Variants in NFIB observed in about 807,000 individuals in gnomAD.
NFIB encodes nuclear factor 1 B-type.
NFIB carries 11 observed loss-of-function variants against 61.5 expected under a neutral mutation model. The observed-to-expected ratio is 0.18, with a 90% CI of 0.11 to 0.30. NFIB has a LOEUF of 0.30. Among genes scored for constraint, NFIB ranks in the 10% least tolerant of loss-of-function variants. The pLI, the probability that NFIB is intolerant of heterozygous loss-of-function variation, is 1.00. For synonymous variants in NFIB, 260 were observed against 216.5 expected, an observed-to-expected ratio of 1.20 and a Z score of -1.76; for missense variants, 471 against 608.9, an observed-to-expected ratio of 0.77 and a Z score of 2.38.
rs540131399 is a variant in NFIB at position 14,293,413 on chromosome 9, G to A, written c.562+13576C>T. Among the ~76,000 whole-genome samples, 63 of 152,280 alleles carry A rather than the reference G, an allele frequency of 4.1e-4. 1 individual carries two copies. The highest frequency in any genetic ancestry group is 1.4e-3 in the African/African-American group (60 of 41,546). ...TCATCCTTCATGAAATATTTTCTCTGTAACTGGAACACCCAAGGTTGAATT... is the reference window on the plus strand; with the variant it reads ...TCATCCTTCATGAAATATTTTCTCTATAACTGGAACACCCAAGGTTGAATT... On this transcript the variant is annotated intron_variant, in intron 2 of 10. Coordinates refer to ENST00000380953, the MANE Select transcript of NFIB (RefSeq NM_001190737.2).
At chr9:14,192,026 C>A (rs1003889599) in intron 2 of NFIB, among the ~76,000 whole-genome samples, 3 of 152,152 alleles carry the variant, frequency 2.0e-5, no homozygotes, top group Admixed American at 2.0e-4. Flanking sequence ...TTTTCCTTGT[C>A]CACTCTTGGT....
chr9:14,480,154 G>T, the NFIB span, among the ~76,000 whole-genome samples: 15 of 151,858 alleles, frequency 9.9e-5, no homozygotes, highest in Non-Finnish European at 1.8e-4. Flanking sequence ...TTCAGATATG[G>T]GGTCTTTATT....
upstream of NFIB, among the ~76,000 whole-genome samples, chr9:14,318,829 C>T (rs560572711): frequency 1.3e-5 from 2 of 152,236 alleles, no homozygotes; most frequent in South Asian, 4.1e-4. Context: ...TTGAAAGTGC[C>T]TGTACTTGAT....
At chr9:14,326,273 C>T (rs145735219) in intron 1 of NFIB, among the ~76,000 whole-genome samples, 15 of 152,270 alleles carry the variant, frequency 9.9e-5, no homozygotes, top group East Asian at 3.9e-4. Flanking sequence ...AAAACAAATG[C>T]GATACCATTC....
At chr9:14,322,941 C>T (rs996695682) in intron 1 of NFIB, among the ~76,000 whole-genome samples, 1 of 152,196 alleles carries the variant, frequency 6.6e-6, no homozygotes, top group African/African-American at 2.4e-5. Context: ...GGGCAAGGGG[C>T]CCCTCGCCGG....
At chr9:14,262,716 C>A (rs139636202) in intron 2 of NFIB, among the ~76,000 whole-genome samples, 2 of 152,106 alleles carry the variant, frequency 1.3e-5, no homozygotes, top group Admixed American at 1.3e-4. Context: ...GAACCGACAG[C>A]GGAGAAAGAA....
At position 14,200,938 on chromosome 9, in the gene NFIB, C is replaced by T. The variant is rs184162840; in HGVS notation, c.563-21158G>A. 2.6e-5 allele frequency among the ~76,000 whole-genome samples: 4 copies of T among 152,260 alleles called. No homozygotes were observed. In the East Asian group the frequency reaches 7.7e-4, roughly 29 times the overall value. ...CACTCTTGCCTCCCCGCAACCAATC[C>T]ATATCTCAATTAATGGCATTCACAG... On this transcript the variant is annotated intron_variant, in intron 2 of 10. Transcript: ENST00000380953.
At chr9:14,419,765 C>G in the NFIB span, among the ~76,000 whole-genome samples, 1 of 152,320 alleles carries the variant, frequency 6.6e-6, no homozygotes, top group African/African-American at 2.4e-5. Flanking sequence ...ATCTGCTCCA[C>G]TTCCCATCGG....
chr9:14,462,421 T>C, the NFIB span, among the ~76,000 whole-genome samples: 1 of 152,096 alleles, frequency 6.6e-6, no homozygotes, highest in South Asian at 2.1e-4. Flanking sequence ...CAGCAGGGAC[T>C]ACAGGCACCC....
chr9:14,098,429 C>T (rs773179712), intron 10 of NFIB, among the ~76,000 whole-genome samples: 4 of 152,166 alleles, frequency 2.6e-5, no homozygotes, highest in Non-Finnish European at 5.9e-5. Context: ...TTGTATTATT[C>T]TTGGATTGTC....
At chr9:14,461,074 C>T in the NFIB span, among the ~76,000 whole-genome samples, 3 of 152,088 alleles carry the variant, frequency 2.0e-5, no homozygotes, top group African/African-American at 7.2e-5. Context: ...TCCCTGACCC[C>T]CAAGGCTGGA....
intron 2 of NFIB, among the ~76,000 whole-genome samples, chr9:14,238,633 C>T (rs1200014595): frequency 1.3e-5 from 2 of 152,118 alleles, no homozygotes; most frequent in Admixed American, 6.6e-5. Flanking sequence ...CAGCTGAGGG[C>T]TTACATCCGC....
the NFIB span, among the ~76,000 whole-genome samples, chr9:14,449,431 A>G: frequency 7.8e-4 from 119 of 152,228 alleles, no homozygotes; most frequent in Non-Finnish European, 1.1e-3. Context: ...TTCAATTTGC[A>G]GGCAAAGTTG....
chr9:14,313,847 G>A lies in NFIB; in HGVS notation c.-336C>T. 1 of 1,240,794 alleles carries A rather than the reference G, an allele frequency of 8.1e-7. No homozygotes were observed. Among genetic ancestry groups the A allele is most frequent in the Non-Finnish European group, 1.0e-6 (1 of 986,136 alleles). 76.9% of individuals were successfully genotyped at this position (1,240,794 alleles called of 1,614,324 possible). ...GGTTTGGGGATTTGTTTTCTATTTT[G>A]CAGTTGTTGTTGTTGTTGGGGTGTA... On this transcript the variant is annotated 5_prime_UTR_variant, in exon 1 of 11. Coordinates refer to ENST00000380953, the MANE Select transcript of NFIB (RefSeq NM_001190737.2). This position sits in a 1 kb window ranked among gnomAD's most constrained non-coding sequence, Gnocchi z 4.5.
At chr9:14,485,575 TA>T in the NFIB span, among the ~76,000 whole-genome samples, 2 of 152,310 alleles carry the variant, frequency 1.3e-5, no homozygotes, top group East Asian at 3.9e-4. Flanking sequence ...TAGTGATGAC[TA>T]ATACAACACA....
intron 2 of NFIB, among the ~76,000 whole-genome samples, chr9:14,215,617 T>C (rs1318917271): frequency 6.6e-6 from 1 of 152,190 alleles, no homozygotes; most frequent in African/African-American, 2.4e-5. Context: ...TTTACAAAGA[T>C]TATTCTCAAG....
At chr9:14,141,902 C>CAAAAAAAAAAAAAAA (rs1207435536) in intron 6 of NFIB, among the ~76,000 whole-genome samples, 14 of 53,582 alleles carry the variant, frequency 2.6e-4, no homozygotes, top group African/African-American at 9.4e-4. Context: ...CTGCTGCTCA[C>CAAAAAAAAAAAAAAA]AAAAAAAAAA....
chr9:14,194,935 A>T (rs935936125), intron 2 of NFIB, among the ~76,000 whole-genome samples: 1 of 151,860 alleles, frequency 6.6e-6, no homozygotes, highest in African/African-American at 2.4e-5. Context: ...GCACTCTACC[A>T]CCTCAATCCA....
rs1011872669 is a variant in NFIB at position 14,134,913 on chromosome 9, A to AAAAAAAAAAAAAG, written c.926-9148_926-9147insCTTTTTTTTTTTT. The stretch of plus-strand genomic sequence containing the variant: ...ACTCTGTCTCAAAAAAAAAAAAAAA[A>AAAAAAAAAAAAAG]AAAAAAAGGAAATTGAAGGATATGG... On this transcript the variant is annotated intron_variant, in intron 6 of 10. Transcript: ENST00000380953. Among the ~76,000 whole-genome samples, 59 of 133,346 alleles carry AAAAAAAAAAAAAG rather than the reference A, an allele frequency of 4.4e-4. 1 individual carries two copies. Among genetic ancestry groups the AAAAAAAAAAAAAG allele is most frequent in the South Asian group, 1.1e-3 (4 of 3,732 alleles). 87.5% of individuals were successfully genotyped at this position (133,346 alleles called of 152,430 possible).
Sources: allele counts gnomAD v4.1 joint callset (sites outside exome capture counted in the v4.1 genomes callset), GRCh38; gene constraint gnomAD v4.1.1; non-coding constraint Gnocchi (gnomAD v3.1); transcripts MANE v1.5; gene names NCBI Gene and HGNC (gene_info 2026-07-23, HGNC 2026-07-21).